BBS9: variants seen among roughly 807,000 people sequenced by gnomAD.
BBS9 encodes the protein protein PTHB1.
In BBS9, 89 loss-of-function variants were observed where a neutral mutation model predicts 117.7. That is an observed-to-expected ratio of 0.76 (90% CI 0.64 to 0.90). The LOEUF is 0.90. Ranked by LOEUF, BBS9 falls within the 40% of genes least tolerant of loss-of-function variation. BBS9 has a pLI of 0.00. For synonymous variants in BBS9, 379 were observed against 370.9 expected (o/e 1.02, Z -0.25); for missense variants, 982 against 1,042.2 (o/e 0.94, Z 0.80).
At chr7:33,420,669 AG>A (rs1225774984) in intron 19 of BBS9, among the ~76,000 whole-genome samples, 1 of 152,156 alleles carries the variant, frequency 6.6e-6, no homozygotes, top group Non-Finnish European at 1.5e-5. Context: ...TTCTTGGAAA[AG>A]AAATGTTCCA....
chr7:33,472,849 A>G (rs1841249471), intron 19 of BBS9, among the ~76,000 whole-genome samples: 1 of 152,216 alleles, frequency 6.6e-6, no homozygotes, highest in African/African-American at 2.4e-5. Context: ...CACATGATAA[A>G]CATTGTCAAC....
rs539444286 is a variant in BBS9 at position 33,373,717 on chromosome 7, A to G, written c.1789+5855A>G. Among the ~76,000 whole-genome samples the G allele has an allele frequency of 3.3e-5, 5 of 152,322 alleles. No individual in the cohort carries two copies. The South Asian group carries it at 6.2e-4, about 19-fold the overall frequency. ...GGTAACTAATACATCGGATGTTTCA[A>G]TATCCTGAAAGATTTTTAACATGCT... is the stretch of plus-strand genomic sequence containing the variant. On this transcript the variant is annotated intron_variant, in intron 17 of 22. Transcript: ENST00000242067.
Position 33,505,530 on chromosome 7 carries a change from A to T in BBS9, c.2183A>T (p.Lys728Met). The T allele has an allele frequency of 6.2e-7, 1 of 1,614,162 alleles. No individual in the cohort carries two copies. The highest frequency in any genetic ancestry group is 1.1e-5 in the South Asian group (1 of 91,086). The change falls in exon 20 of 23, where the codon AAG becomes ATG. Residue 728 changes from lysine (K) to methionine (M), a missense_variant. Coordinates refer to ENST00000242067, the MANE Select transcript of BBS9 (RefSeq NM_198428.3). ...CTGTTCCAGTCATTCACCAGGCTGA[A>T]GAGTGCCACCCATTTGGTGATTCTG... Reference protein sequence around the residue: ...GNLFQSFTRLKSATHLVILLI... With the variant: ...GNLFQSFTRLMSATHLVILLI...
chr7:33,346,148 A>G (rs1161260541), intron 12 of BBS9: 4 of 384,892 alleles, frequency 1.0e-5, no homozygotes, highest in Non-Finnish European at 2.1e-5. Context: ...AGCAGACACA[A>G]TGTCTTCCTG....
intron 21 of BBS9, among the ~76,000 whole-genome samples, chr7:33,564,487 A>G (rs1482137962): frequency 1.3e-5 from 2 of 152,208 alleles, no homozygotes; most frequent in Non-Finnish European, 2.9e-5. Flanking sequence ...GTAGTGTTGT[A>G]AGGACTGATC....
intron 19 of BBS9, among the ~76,000 whole-genome samples, chr7:33,419,973 GT>G (rs1405373754): frequency 6.6e-6 from 1 of 152,144 alleles, no homozygotes; most frequent in East Asian, 1.9e-4. Context: ...GAATAATGGA[GT>G]TTTTAATTTG....
chr7:33,225,474 T>C (rs574861032), intron 5 of BBS9, among the ~76,000 whole-genome samples: 1 of 152,294 alleles, frequency 6.6e-6, no homozygotes, highest in South Asian at 2.1e-4. Flanking sequence ...GCTGGGATTA[T>C]GGACATGTGC....
At chr7:33,512,134 G>A (rs1847061020) in intron 20 of BBS9, among the ~76,000 whole-genome samples, 1 of 152,120 alleles carries the variant, frequency 6.6e-6, no homozygotes, top group Non-Finnish European at 1.5e-5. Flanking sequence ...CACATACCCT[G>A]TGTTGCTGCT....
intron 5 of BBS9, among the ~76,000 whole-genome samples, chr7:33,179,788 C>T (rs1797844969): frequency 1.3e-5 from 2 of 152,068 alleles, no homozygotes; most frequent in African/African-American, 4.8e-5. Flanking sequence ...TCCTTGATGC[C>T]AAAAAGGTTG....
intron 19 of BBS9, among the ~76,000 whole-genome samples, chr7:33,501,110 G>A (rs1353033246): frequency 6.6e-6 from 1 of 152,108 alleles, no homozygotes; most frequent in Non-Finnish European, 1.5e-5. Context: ...CTTAAAAATC[G>A]CTCTCCCTCA....
chr7:33,167,601 G>A (rs1184464459), intron 4 of BBS9, among the ~76,000 whole-genome samples: 1 of 151,860 alleles, frequency 6.6e-6, no homozygotes, highest in Non-Finnish European at 1.5e-5. Context: ...GGGGTTCACT[G>A]TGTTGGCCAG....
intron 9 of BBS9, among the ~76,000 whole-genome samples, chr7:33,326,551 A>T (rs1323632806): frequency 1.3e-5 from 2 of 152,006 alleles, no homozygotes; most frequent in Non-Finnish European, 2.9e-5. Context: ...CTGAAGCAAA[A>T]TGAGTCTCCC....
At chr7:33,280,333 C>T (rs1360193971) in intron 9 of BBS9, among the ~76,000 whole-genome samples, 1 of 152,160 alleles carries the variant, frequency 6.6e-6, no homozygotes, top group Non-Finnish European at 1.5e-5. Flanking sequence ...CTCCCTCCCT[C>T]CCCACTCTTG....
At chr7:33,312,793 A>G (rs1163127970) in intron 9 of BBS9, among the ~76,000 whole-genome samples, 1 of 151,912 alleles carries the variant, frequency 6.6e-6, no homozygotes, top group African/African-American at 2.4e-5. Context: ...TATCTGCTTA[A>G]TTTTCCTTCA....
chr7:33,273,562 A>G (rs1241902911), intron 8 of BBS9, among the ~76,000 whole-genome samples: 1 of 152,192 alleles, frequency 6.6e-6, no homozygotes, highest in Non-Finnish European at 1.5e-5. Context: ...ATTAGCTTAA[A>G]TGTGTTACAT....
In BBS9 at chr7:33,153,886, G is replaced by T. The variant is rs554581024; in HGVS notation, c.263+1035G>T. On this transcript the variant is annotated intron_variant, in intron 3 of 22. Transcript: ENST00000242067. Reference sequence around the variant, plus strand: ...GATTAGGTTCCCATCATGTGCCTAGGACATATTAGGTGTGATGGATTTACA... The same window carrying T: ...GATTAGGTTCCCATCATGTGCCTAGTACATATTAGGTGTGATGGATTTACA... Among the ~76,000 whole-genome samples, 11 of 152,228 alleles carry T rather than the reference G, an allele frequency of 7.2e-5. No homozygotes were observed. The East Asian group carries it at 9.6e-4, about 13-fold the overall frequency.
rs1020287792 is a variant in BBS9, at chr7:33,291,304, A to C, written c.1016+17348A>C. Among the ~76,000 whole-genome samples the C allele has an allele frequency of 2.9e-4, 44 of 152,106 alleles. 1 individual carries two copies. The highest frequency in any genetic ancestry group is 1.0e-3 in the African/African-American group (42 of 41,422). ...GTTAGTGTCTAAAATCTGTTCTCTTAAGAAAAGTTAAAGTTTTGTTAAAAT... is the reference window on the plus strand; with the variant it reads ...GTTAGTGTCTAAAATCTGTTCTCTTCAGAAAAGTTAAAGTTTTGTTAAAAT... On this transcript the variant is annotated intron_variant, in intron 9 of 22. Coordinates refer to ENST00000242067, the MANE Select transcript of BBS9 (RefSeq NM_198428.3).
intron 5 of BBS9, among the ~76,000 whole-genome samples, chr7:33,234,026 T>A (rs4628178): frequency 0.11 from 17,244 of 152,116 alleles, 1,151 homozygotes; most frequent in African/African-American, 0.18. Context: ...ACCATCTTTT[T>A]GTCCCACATA....
At position 33,583,329 on chromosome 7, in the gene BBS9, T is replaced by C. The variant is rs140823478; in HGVS notation, c.2522-21536T>C. On this transcript the variant is annotated intron_variant, in intron 21 of 22. Transcript: ENST00000242067. ...GATAGATCCATGATAGATAGATAAA[T>C]AGACTTCTTTATCTATAGACAGACT... Among the ~76,000 whole-genome samples, 543 of 152,244 alleles carry C rather than the reference T, an allele frequency of 3.6e-3. 4 individuals carry two copies. The highest frequency in any genetic ancestry group is 6.0e-3 in the Non-Finnish European group (407 of 68,008).
Sources: gnomAD v4.1 joint callset for allele counts (sites outside exome capture counted in the v4.1 genomes callset) on GRCh38, gnomAD v4.1.1 for gene constraint, MANE v1.5 for transcripts, NCBI Gene and HGNC (gene_info 2026-07-23, HGNC 2026-07-21) for gene names.